Variants in KATNIP observed in about 807,000 individuals in gnomAD.
KATNIP encodes the protein katanin-interacting protein.
KATNIP carries 126 observed loss-of-function variants against 174.0 expected under a neutral mutation model. That is an observed-to-expected ratio of 0.72 (90% CI 0.63 to 0.84). The LOEUF (loss-of-function observed/expected upper bound fraction) is 0.84, where lower values mean the gene tolerates loss of function less well. Among genes scored for constraint, KATNIP ranks in the 40% least tolerant of loss-of-function variants. KATNIP has a pLI of 0.00. For synonymous variants in KATNIP, 810 were observed against 835.7 expected (o/e 0.97, Z 0.53); for missense variants, 1,958 against 2,109.7 (o/e 0.93, Z 1.41).
chr16:27,702,856 C>T (rs925053737), intron 11 of KATNIP, among the ~76,000 whole-genome samples: 3 of 152,142 alleles, frequency 2.0e-5, no homozygotes, highest in African/African-American at 7.2e-5. Flanking sequence ...ATAATAAGAA[C>T]TCGCAGATTC....
At chr16:27,686,266 G>A (rs1251564613) in intron 8 of KATNIP, among the ~76,000 whole-genome samples, 1 of 152,176 alleles carries the variant, frequency 6.6e-6, no homozygotes, top group East Asian at 1.9e-4. Context: ...GTCGGGGAGG[G>A]ATGTCTTTTT....
intron 2 of KATNIP, among the ~76,000 whole-genome samples, chr16:27,594,026 C>T (rs1437573126): frequency 1.3e-5 from 2 of 151,348 alleles, no homozygotes; most frequent in Non-Finnish European, 2.9e-5. Flanking sequence ...CTAAGTCACA[C>T]AGCTAAAAAG....
rs1455016696 is a variant in KATNIP at position 27,776,809 on chromosome 16, C to T, written c.4450-119C>T. On this transcript the variant is annotated intron_variant, in intron 24 of 27. Coordinates refer to ENST00000261588, the MANE Select transcript of KATNIP (RefSeq NM_015202.5). This position sits in a 1 kb window ranked among gnomAD's most constrained non-coding sequence, Gnocchi z 4.7. ...GGGGGCGGAACTCCAGGCTGGCCCA[C>T]GTGGCAGGCGCTGCCTTGGGCACCA... is the stretch of plus-strand genomic sequence containing the variant. 10 of 698,320 alleles carry T rather than the reference C, an allele frequency of 1.4e-5. No individual in the cohort carries two copies. Among genetic ancestry groups the T allele is most frequent in the East Asian group, 5.1e-5 (2 of 38,838 alleles). 43.3% of individuals were successfully genotyped at this position (698,320 alleles called of 1,614,324 possible). A position where few individuals can be genotyped will look rare whatever the true frequency, so the allele number is the denominator to read the frequency against.
rs758568716 is a variant in KATNIP at position 27,721,633 on chromosome 16, A to G, written c.1681A>G (p.Arg561Gly). ...GCTGTTTTTTGTTATTCGAAACACA[A>G]GACAGCTGGGGGACTTCCATCTGGC... ...LQLFFVIRNT[R>G]QLGDFHLAKI... The change falls in exon 14 of 28, where the codon AGA (arginine) becomes GGA (glycine). Residue 561 changes from arginine to glycine, a missense_variant. By Grantham distance (125) the Arg-to-Gly change is moderately radical. Around this residue, in one of 3 missense-constraint regions of KATNIP, gnomAD observed 1,557 missense variants for 1,617.8 expected, o/e 0.96. Coordinates refer to ENST00000261588, the MANE Select transcript of KATNIP (RefSeq NM_015202.5). 2.5e-6 allele frequency: 4 copies of G among 1,614,198 alleles called. No individual in the cohort carries two copies. Among genetic ancestry groups the G allele is most frequent in the Admixed American group, 3.3e-5 (2 of 60,028 alleles).
intron 18 of KATNIP, among the ~76,000 whole-genome samples, chr16:27,755,950 A>T (rs1226658425): frequency 6.6e-6 from 1 of 152,178 alleles, no homozygotes; most frequent in Non-Finnish European, 1.5e-5. Context: ...GCTTTTTGCA[A>T]GGAGACTCTC....
At chr16:27,627,877 T>C (rs1333250184) in intron 3 of KATNIP, among the ~76,000 whole-genome samples, 2 of 152,154 alleles carry the variant, frequency 1.3e-5, no homozygotes, top group Non-Finnish European at 2.9e-5. Context: ...AGCAGTTCTC[T>C]GGGGGCTGAA....
chr16:27,603,981 C>T (rs572331031), intron 2 of KATNIP, among the ~76,000 whole-genome samples: 11 of 152,270 alleles, frequency 7.2e-5, no homozygotes, highest in Non-Finnish European at 1.5e-4. Flanking sequence ...AGGCGATCCA[C>T]CTGCCTCGGC....
At chr16:27,670,597 G>A (rs531293626) in intron 6 of KATNIP, among the ~76,000 whole-genome samples, 4 of 152,196 alleles carry the variant, frequency 2.6e-5, no homozygotes, top group African/African-American at 7.2e-5. Flanking sequence ...ATGCTCCTCC[G>A]TTGTCTTCCA....
intron 22 of KATNIP, 140 bp downstream of exon 22, chr16:27,771,792 A>G: frequency 2.4e-6 from 2 of 821,498 alleles, no homozygotes; most frequent in South Asian, 3.5e-5. Context: ...AGAGGATAGG[A>G]GGCCTCCTGG....
At chr16:27,598,391 C>T (rs373449667) in intron 2 of KATNIP, among the ~76,000 whole-genome samples, 4 of 152,304 alleles carry the variant, frequency 2.6e-5, no homozygotes, top group East Asian at 3.9e-4. Flanking sequence ...GGCTTCTTCC[C>T]GGGCAGCTGG....
intron 10 of KATNIP, among the ~76,000 whole-genome samples, chr16:27,700,790 A>T (rs1016820035): frequency 2.0e-5 from 3 of 152,214 alleles, no homozygotes; most frequent in Non-Finnish European, 2.9e-5. Flanking sequence ...CAAGTGGGAC[A>T]GGGTGTGCAT....
chr16:27,621,873 A>G (rs2076207281), intron 3 of KATNIP, among the ~76,000 whole-genome samples: 2 of 151,912 alleles, frequency 1.3e-5, no homozygotes. Flanking sequence ...CTGCTAAACC[A>G]TTCATGAGAA....
chr16:27,744,173 G>A (rs1300255269), intron 15 of KATNIP, among the ~76,000 whole-genome samples: 1 of 152,174 alleles, frequency 6.6e-6, no homozygotes, highest in African/African-American at 2.4e-5. Context: ...AAGAATGCTG[G>A]TAGAATGAAT....
intron 2 of KATNIP, among the ~76,000 whole-genome samples, chr16:27,600,472 T>C (rs1449610431): frequency 2.6e-5 from 4 of 152,042 alleles, no homozygotes; most frequent in Admixed American, 1.3e-4. Flanking sequence ...AAGCAAAGAC[T>C]CTCTAGCCGT....
intron 2 of KATNIP, among the ~76,000 whole-genome samples, chr16:27,597,305 G>GAAGT (rs2075364993): frequency 6.6e-6 from 1 of 151,810 alleles, no homozygotes. Flanking sequence ...CTGTTGCCAT[G>GAAGT]AGCTAGGCAT....
At chr16:27,775,547 T>C (rs952566230) in intron 24 of KATNIP, among the ~76,000 whole-genome samples, 3 of 152,236 alleles carry the variant, frequency 2.0e-5, no homozygotes, top group Non-Finnish European at 4.4e-5. Context: ...TAAATTGGCC[T>C]GGTCAGCTCT....
At chr16:27,668,324 TG>T (rs2077760664) in intron 6 of KATNIP, among the ~76,000 whole-genome samples, 1 of 152,174 alleles carries the variant, frequency 6.6e-6, no homozygotes, top group Non-Finnish European at 1.5e-5. Context: ...GATTGAATTA[TG>T]GGGTGAGTCT....
intron 2 of KATNIP, among the ~76,000 whole-genome samples, chr16:27,613,104 C>CAAAAAAA (rs137920807): frequency 0.011 from 1,722 of 151,214 alleles, 46 homozygotes; most frequent in African/African-American, 0.04. Flanking sequence ...ACAAAAAATA[C>CAAAAAAA]AAAAAAAGAA....
intron 10 of KATNIP, among the ~76,000 whole-genome samples, chr16:27,700,217 T>G (rs2142989292): frequency 6.6e-6 from 1 of 152,342 alleles, no homozygotes; most frequent in East Asian, 1.9e-4. Flanking sequence ...TGACCTATAT[T>G]TCTATTTATT....
Sources: allele counts gnomAD v4.1 joint callset (sites outside exome capture counted in the v4.1 genomes callset), GRCh38; gene constraint gnomAD v4.1.1; regional missense constraint gnomAD v4.1.1; non-coding constraint Gnocchi (gnomAD v3.1); transcripts MANE v1.5; gene names NCBI Gene and HGNC (gene_info 2026-07-23, HGNC 2026-07-21).